BABAM2: variants seen among roughly 807,000 people sequenced by gnomAD.
The protein encoded by BABAM2 is BRISC and BRCA1-A complex member 2.
BABAM2 carries 31 observed loss-of-function variants against 54.7 expected under a neutral mutation model. That is an observed-to-expected ratio of 0.57 (90% confidence interval 0.43 to 0.77). BABAM2 has a LOEUF of 0.77. Among genes scored for constraint, BABAM2 ranks in the 30% least tolerant of loss-of-function variants. The pLI, the probability that BABAM2 is intolerant of heterozygous loss-of-function variation, is 0.00. For missense variants in BABAM2, 364 were observed against 455.8 expected, an observed-to-expected ratio of 0.80 and a Z score of 1.83; for synonymous variants, 167 against 162.9, an observed-to-expected ratio of 1.03 and a Z score of -0.19.
At chr2:28,064,433 C>T (rs1390319923) in intron 6 of BABAM2, among the ~76,000 whole-genome samples, 4 of 152,180 alleles carry the variant, frequency 2.6e-5, no homozygotes, top group Non-Finnish European at 5.9e-5. Context: ...TGTTTTCCAA[C>T]TTAAATGAAG....
intron 2 of BABAM2, among the ~76,000 whole-genome samples, chr2:27,924,901 A>G (rs1219727210): frequency 1.3e-5 from 2 of 152,204 alleles, no homozygotes; most frequent in African/African-American, 2.4e-5. Flanking sequence ...ATAGAATGTA[A>G]CATATCTTAA....
intron 6 of BABAM2, among the ~76,000 whole-genome samples, chr2:28,055,683 A>T (rs1414861209): frequency 6.6e-6 from 1 of 152,246 alleles, no homozygotes; most frequent in Non-Finnish European, 1.5e-5. Context: ...TATGGAAAAC[A>T]CAATGGAGGT....
chr2:28,245,154 A>G (rs981209684), intron 10 of BABAM2, among the ~76,000 whole-genome samples: 10 of 152,082 alleles, frequency 6.6e-5, no homozygotes, highest in African/African-American at 1.9e-4. Context: ...GAGGTCAGTG[A>G]TGCAGCTAAA....
intron 3 of BABAM2, among the ~76,000 whole-genome samples, chr2:27,963,142 T>C (rs1158365766): frequency 6.6e-6 from 1 of 152,056 alleles, no homozygotes; most frequent in African/African-American, 2.4e-5. Context: ...CAGCAGACTA[T>C]AGATGAAGGA....
At chr2:27,902,788 A>G (rs972776575) in intron 2 of BABAM2, among the ~76,000 whole-genome samples, 1 of 152,128 alleles carries the variant, frequency 6.6e-6, no homozygotes, top group Non-Finnish European at 1.5e-5. Flanking sequence ...AGTCTGTGGC[A>G]TATATTCTTA....
At position 27,947,385 on chromosome 2, in the gene BABAM2, T is replaced by C. The variant is rs553972449; in HGVS notation, c.205+17477T>C. Among the ~76,000 whole-genome samples the C allele has an allele frequency of 5.5e-4, 84 of 152,298 alleles. 2 individuals are homozygous for C. Among genetic ancestry groups the C allele is most frequent in the African/African-American group, 1.9e-3 (81 of 41,586 alleles). Reference sequence around the variant, plus strand: ...ACTTTTCACAGTCTACCATTAAAAATACTATAATACTTCATTTATCATGTA... The same window carrying C: ...ACTTTTCACAGTCTACCATTAAAAACACTATAATACTTCATTTATCATGTA... On this transcript the variant is annotated intron_variant, in intron 3 of 11. Transcript: ENST00000379624.
intron 6 of BABAM2, among the ~76,000 whole-genome samples, chr2:28,074,462 T>G (rs1289297723): frequency 1.3e-5 from 2 of 152,174 alleles, no homozygotes; most frequent in Non-Finnish European, 2.9e-5. Context: ...GAATATTCAT[T>G]CAACAGATAC....
intron 7 of BABAM2, among the ~76,000 whole-genome samples, chr2:28,152,806 A>G (rs181494261): frequency 7.2e-5 from 11 of 152,366 alleles, no homozygotes; most frequent in Admixed American, 2.0e-4. Flanking sequence ...AAGGATGGTC[A>G]TCGGCTACTA....
intron 6 of BABAM2, among the ~76,000 whole-genome samples, chr2:28,060,125 A>G (rs570421710): frequency 9.2e-5 from 14 of 152,330 alleles, no homozygotes; most frequent in African/African-American, 3.4e-4. Context: ...ACTCAAAAGA[A>G]TGATACATAA....
chr2:28,025,500 T>C, intron 5 of BABAM2, 80 bp downstream of exon 5: 1 of 1,328,454 alleles, frequency 7.5e-7, no homozygotes, highest in Non-Finnish European at 1.0e-6. Flanking sequence ...TTGTAAATCC[T>C]AGTCATTTCT....
chr2:28,172,574 T>G (rs1674473760), intron 7 of BABAM2, among the ~76,000 whole-genome samples: 1 of 152,216 alleles, frequency 6.6e-6, no homozygotes, highest in Admixed American at 6.5e-5. Flanking sequence ...GCACTTTCTA[T>G]CAACTTATGT....
At chr2:27,987,925 A>G in intron 3 of BABAM2, 68 bp from the exon 4 acceptor site, 4 of 1,358,710 alleles carry the variant, frequency 2.9e-6, no homozygotes, top group Non-Finnish European at 1.0e-6. Context: ...AGTTTTTCTG[A>G]TACAGTCTTC....
chr2:28,272,324 T>C (rs1463928049), intron 10 of BABAM2, among the ~76,000 whole-genome samples: 3 of 152,202 alleles, frequency 2.0e-5, no homozygotes, highest in Non-Finnish European at 4.4e-5. Context: ...TTGCTGGGTG[T>C]AATAATTTGG....
intron 6 of BABAM2, among the ~76,000 whole-genome samples, chr2:28,095,849 G>A (rs1422881458): frequency 6.6e-6 from 1 of 152,154 alleles, no homozygotes; most frequent in Non-Finnish European, 1.5e-5. Context: ...GTGAAGAAGA[G>A]AACCAACAAT....
intron 7 of BABAM2, among the ~76,000 whole-genome samples, chr2:28,207,710 T>G (rs747571632): frequency 2.0e-5 from 3 of 152,210 alleles, no homozygotes; most frequent in Non-Finnish European, 4.4e-5. Flanking sequence ...AGAATATGAT[T>G]AAAATAAATA....
intron 7 of BABAM2, among the ~76,000 whole-genome samples, chr2:28,132,373 C>T (rs6547831): frequency 0.074 from 11,212 of 151,998 alleles, 455 homozygotes; most frequent in East Asian, 0.15. Flanking sequence ...CTCCTGACCT[C>T]GTGATCCACC....
At chr2:28,107,574 T>C (rs1418967479) in intron 6 of BABAM2, among the ~76,000 whole-genome samples, 1 of 152,160 alleles carries the variant, frequency 6.6e-6, no homozygotes, top group Non-Finnish European at 1.5e-5. Context: ...CTTATCCTTT[T>C]TACTCCCTTG....
intron 3 of BABAM2, among the ~76,000 whole-genome samples, chr2:27,938,240 A>G (rs1445679565): frequency 1.3e-5 from 2 of 152,226 alleles, no homozygotes; most frequent in African/African-American, 2.4e-5. Context: ...GCCTCCTACA[A>G]TCAACATAAT....
At chr2:28,307,908 A>G (rs1688703908) in intron 11 of BABAM2, 1 of 152,336 alleles carries the variant, frequency 6.6e-6, no homozygotes, top group African/African-American at 2.4e-5. Context: ...GGCAGTCATC[A>G]AGAAAAGAAA....
Sources: allele counts gnomAD v4.1 joint callset (sites outside exome capture counted in the v4.1 genomes callset), GRCh38; gene constraint gnomAD v4.1.1; transcripts MANE v1.5; gene names NCBI Gene and HGNC (gene_info 2026-07-23, HGNC 2026-07-21).